Variants in SLC13A3 observed in about 807,000 individuals in gnomAD.
SLC13A3 encodes solute carrier family 13 member 3, also known as Na(+)/dicarboxylate cotransporter 3.
In SLC13A3, 40 loss-of-function variants were observed where a neutral mutation model predicts 59.0. The observed-to-expected ratio is 0.68, with a 90% CI of 0.53 to 0.88. The LOEUF (loss-of-function observed/expected upper bound fraction) is 0.88, where lower values mean the gene tolerates loss of function less well. SLC13A3 is among the 40% of genes least tolerant of loss of function. The probability of loss-of-function intolerance (pLI) is 0.00; values close to 1 mark genes in which losing one functional copy is unlikely to be tolerated. For synonymous variants in SLC13A3, 317 were observed against 330.3 expected, an observed-to-expected ratio of 0.96 and a Z score of 0.44; for missense variants, 699 against 783.2, an observed-to-expected ratio of 0.89 and a Z score of 1.28.
At chr20:46,655,795 TATA>T (rs1475485503), upstream of SLC13A3, among the ~76,000 whole-genome samples, 1 of 143,960 alleles carries the variant, frequency 6.9e-6, no homozygotes, top group African/African-American at 2.6e-5. Flanking sequence ...CTTCAGTATA[TATA>T]ATATATAATA....
intron 12 of SLC13A3, among the ~76,000 whole-genome samples, chr20:46,563,110 T>C (rs917045575): frequency 6.6e-6 from 1 of 152,160 alleles, no homozygotes; most frequent in African/African-American, 2.4e-5. Context: ...TCCTAGGGTG[T>C]GTCTGCTGCT....
intron 10 of SLC13A3, 64 bp downstream of exon 10, chr20:46,575,509 A>G: frequency 1.0e-6 from 1 of 954,416 alleles, no homozygotes; most frequent in Non-Finnish European, 1.6e-6. Context: ...TGCAGCCAGC[A>G]CTGGGACCCG....
intron 3 of SLC13A3, among the ~76,000 whole-genome samples, chr20:46,609,832 G>A (rs1375103935): frequency 6.6e-6 from 1 of 152,192 alleles, no homozygotes; most frequent in African/African-American, 2.4e-5. Context: ...GCGCTACAGT[G>A]AATATCACTA....
At chr20:46,627,688 T>G (rs928237187) in intron 1 of SLC13A3, among the ~76,000 whole-genome samples, 12 of 152,120 alleles carry the variant, frequency 7.9e-5, no homozygotes, top group Non-Finnish European at 4.4e-5. Flanking sequence ...ACCTCTCATC[T>G]AAGTGATTTG....
chr20:46,656,224 T>C (rs1218420238), upstream of SLC13A3, among the ~76,000 whole-genome samples: 1 of 143,644 alleles, frequency 7.0e-6, no homozygotes, highest in Admixed American at 7.1e-5. Flanking sequence ...CTGTATGTGA[T>C]GTAGACTGTA....
Position 46,559,961 on chromosome 20 carries a change from A to G in SLC13A3, c.*61T>C. The G allele has an allele frequency of 6.7e-7, 1 of 1,489,878 alleles. No individual in the cohort carries two copies. Among genetic ancestry groups the G allele is most frequent in the Non-Finnish European group, 9.3e-7 (1 of 1,073,312 alleles). The allele number at this position is 1,489,878 out of a possible 1,614,324, so 92.3% of individuals were successfully genotyped here. On this transcript the variant is annotated 3_prime_UTR_variant, in exon 13 of 13. Transcript: ENST00000279027. ...TTTGATTGTTTTGTAGTGTCCTAGC[A>G]GCAGGTGATGGTGACAGCCCTTTGA... is the stretch of plus-strand genomic sequence containing the variant.
intron 5 of SLC13A3, among the ~76,000 whole-genome samples, chr20:46,593,365 GA>G (rs1376075446): frequency 6.6e-6 from 1 of 152,138 alleles, no homozygotes; most frequent in Non-Finnish European, 1.5e-5. Context: ...GTGCTAGATT[GA>G]AAAGAGGAAA....
intron 1 of SLC13A3, among the ~76,000 whole-genome samples, chr20:46,642,034 A>T (rs1476886784): frequency 1.3e-5 from 2 of 152,064 alleles, no homozygotes; most frequent in Non-Finnish European, 2.9e-5. Flanking sequence ...GCCCGAACAT[A>T]TTGCCCACAG....
intron 6 of SLC13A3, among the ~76,000 whole-genome samples, chr20:46,589,557 C>T (rs1194791373): frequency 6.6e-5 from 10 of 152,190 alleles, no homozygotes; most frequent in African/African-American, 2.4e-4. Flanking sequence ...AGTCTAGACA[C>T]AGACTCAATC....
intron 5 of SLC13A3, among the ~76,000 whole-genome samples, chr20:46,592,962 A>G (rs2062275097): frequency 2.0e-5 from 3 of 152,238 alleles, no homozygotes; most frequent in Admixed American, 1.3e-4. Context: ...TTGACAATTC[A>G]TGAAAATGTT....
chr20:46,682,669 CTAT>C (rs1242624886), intron 1 of SLC13A3, among the ~76,000 whole-genome samples: 3 of 152,156 alleles, frequency 2.0e-5, no homozygotes, highest in African/African-American at 7.2e-5. Flanking sequence ...GAACGTAACT[CTAT>C]AAAGTCAGCT....
chr20:46,613,671 C>T lies in SLC13A3; in HGVS notation c.166G>A (p.Ala56Thr). The stretch of plus-strand genomic sequence containing the variant: ...AGCGCCGTCACTGAGAGCGGCAGGG[C>T]CTCCGTGCACCAGTACACCGCCATG... ...LLMAVYWCTE[A>T]LPLSVTALLP... Residue 56 changes from alanine to threonine, a missense_variant, in exon 2 of 13, where the codon GCC becomes ACC. By Grantham distance (58) the Ala-to-Thr change is moderately conservative. Coordinates refer to ENST00000279027, the MANE Select transcript of SLC13A3 (RefSeq NM_022829.6). 6.2e-7 allele frequency: 1 copy of T among 1,611,686 alleles called. No individual in the cohort carries two copies. The highest frequency in any genetic ancestry group is 1.3e-5 in the African/African-American group (1 of 75,022).
Position 46,596,262 on chromosome 20 carries a change from A to G in SLC13A3, c.689T>C (p.Ile230Thr). 1 of 1,614,122 alleles carries G rather than the reference A, an allele frequency of 6.2e-7. No individual in the cohort carries two copies. ...SRKEDEYRRNIWKGFLISIPY... is the reference protein window; with the variant it reads ...SRKEDEYRRNTWKGFLISIPY... ...GATGGAGATGAGGAAGCCCTTCCAG[A>G]TGTTCCGACGATATTCATCCTCCTT... Residue 230 changes from isoleucine (I) to threonine (T), a missense_variant, in exon 5 of 13, where the codon ATC (isoleucine) becomes ACC (threonine). Transcript: ENST00000279027.
chr20:46,638,191 C>T (rs2062812757), intron 1 of SLC13A3, among the ~76,000 whole-genome samples: 1 of 152,196 alleles, frequency 6.6e-6, no homozygotes, highest in Non-Finnish European at 1.5e-5. Flanking sequence ...CGGCTGGGCA[C>T]TCTGTGGTGT....
At chr20:46,669,822 G>T (rs1490204217) in intron 1 of SLC13A3, among the ~76,000 whole-genome samples, 1 of 152,180 alleles carries the variant, frequency 6.6e-6, no homozygotes, top group African/African-American at 2.4e-5. Flanking sequence ...GTTAGACTTA[G>T]AATTTTTCAA....
intron 9 of SLC13A3, among the ~76,000 whole-genome samples, chr20:46,579,504 T>G (rs931994983): frequency 1.3e-5 from 2 of 152,144 alleles, no homozygotes; most frequent in African/African-American, 4.8e-5. Context: ...AATATAAGAC[T>G]CCACAAAAGT....
chr20:46,649,411 C>T (rs1045559019), intron 1 of SLC13A3, among the ~76,000 whole-genome samples: 2 of 152,160 alleles, frequency 1.3e-5, no homozygotes, highest in Non-Finnish European at 2.9e-5. Flanking sequence ...AAATGCTCCC[C>T]GCCCCTTAAC....
chr20:46,669,269 C>A (rs1357607177), intron 1 of SLC13A3, among the ~76,000 whole-genome samples: 1 of 151,914 alleles, frequency 6.6e-6, no homozygotes, highest in South Asian at 2.1e-4. Flanking sequence ...TGTTCCACCC[C>A]CCTCGTGGAC....
upstream of SLC13A3, among the ~76,000 whole-genome samples, chr20:46,672,677 G>A (rs1254046092): frequency 2.0e-5 from 3 of 152,130 alleles, no homozygotes; most frequent in Non-Finnish European, 2.9e-5. Context: ...GACCCGATAC[G>A]GCTTCCAGGG....
Sources: allele counts gnomAD v4.1 joint callset (sites outside exome capture counted in the v4.1 genomes callset), GRCh38; gene constraint gnomAD v4.1.1; transcripts MANE v1.5; gene names NCBI Gene and HGNC (gene_info 2026-07-23, HGNC 2026-07-21).